The following COQ5 variants were observed in gnomAD, a reference collection of about 807,000 sequenced individuals.
COQ5 encodes coenzyme Q5, methyltransferase.
In COQ5, 27 loss-of-function variants were observed where a neutral mutation model predicts 40.5. That is an observed-to-expected ratio of 0.67 (90% CI 0.49 to 0.92). COQ5 has a LOEUF of 0.92. COQ5 is among the 40% of genes least tolerant of loss of function. The probability of loss-of-function intolerance (pLI) is 0.00; values close to 1 mark genes in which losing one functional copy is unlikely to be tolerated. For missense variants in COQ5, 409 were observed against 406.4 expected (o/e 1.01, Z -0.06); for synonymous variants, 141 against 150.0 (o/e 0.94, Z 0.44).
intron 4 of COQ5, among the ~76,000 whole-genome samples, chr12:120,505,756 A>G (rs1043755250): frequency 6.6e-5 from 10 of 151,980 alleles, no homozygotes; most frequent in Non-Finnish European, 1.5e-4. Flanking sequence ...GGGTTTCTCC[A>G]CATTGGTCAG....
chr12:120,519,284 C>T (rs1414893747), intron 2 of COQ5, among the ~76,000 whole-genome samples: 1 of 152,132 alleles, frequency 6.6e-6, no homozygotes, highest in Non-Finnish European at 1.5e-5. Context: ...TGAGGCCAGG[C>T]GGAGTGGGTC....
intron 1 of COQ5, chr12:120,523,864 G>C (rs941222138): frequency 5.7e-6 from 2 of 348,200 alleles, no homozygotes; most frequent in Non-Finnish European, 1.2e-5. Context: ...ACAAAAATTA[G>C]CTGGGCATGG....
chr12:120,513,989 T>G (rs1196926908), intron 3 of COQ5, among the ~76,000 whole-genome samples: 2 of 152,158 alleles, frequency 1.3e-5, no homozygotes, highest in Admixed American at 1.3e-4. Flanking sequence ...GCATTTGTCT[T>G]GGTGCTTAGG....
chr12:120,523,572 T>G (rs993525447), intron 1 of COQ5: 3 of 181,772 alleles, frequency 1.7e-5, no homozygotes, highest in African/African-American at 7.2e-5. Context: ...TTCTGCTGTC[T>G]TAATTATTAT....
rs748416753 is a variant in COQ5, at chr12:120,503,956, T to C, written c.882+14A>G. The C allele has an allele frequency of 5.8e-5, 93 of 1,601,472 alleles. 1 individual carries two copies. The highest frequency in any genetic ancestry group is 3.3e-4 in the South Asian group (30 of 90,878). ...ACTGTAGGGCCTTTGTTTAAAGCTA[T>C]AGAAGTTTCATACCTGAGACGGAAA... On this transcript the variant is annotated intron_variant, in intron 6 of 6. Transcript: ENST00000288532.
chr12:120,518,385 C>T (rs1048796105), intron 2 of COQ5, among the ~76,000 whole-genome samples: 8 of 147,452 alleles, frequency 5.4e-5, no homozygotes, highest in African/African-American at 1.0e-4. Flanking sequence ...GCCGAGATGA[C>T]GCCACTACAC....
chr12:120,516,572 C>T lies in COQ5; in HGVS notation c.569G>A (p.Arg190Lys). The change falls in exon 3 of 7, where the codon AGA (arginine) becomes AAA (lysine). Residue 190 changes from arginine to lysine, a missense_variant. Physicochemically the swap from Arg to Lys is conservative, Grantham distance 26. Coordinates refer to ENST00000288532, the MANE Select transcript of COQ5 (RefSeq NM_032314.4). ...CTGCCTTCTGCAGGACTCACCAGCT[C>T]TGTATCCTTGAGCCAAGGCTTTCTG... ...GKQKALAQGY[R>K]AGLAWVLGDA... 1 of 1,612,988 alleles carries T rather than the reference C, an allele frequency of 6.2e-7. No homozygotes were observed. The highest frequency in any genetic ancestry group is 8.5e-7 in the Non-Finnish European group (1 of 1,179,006).
Position 120,504,081 on chromosome 12 carries a change from C to T in COQ5, c.771G>A (p.Arg257=), listed in dbSNP as rs1403579837. Residue 257 remains arginine (R), a splice_region_variant and synonymous_variant, in exon 6 of 7, where the codon AGG becomes AGA. Transcript: ENST00000288532. The part of the protein sequence containing the change: ...FSQVNNPLIS[R]LYDLYSFQVI... ...CCTGGAAGCTATATAGATCATAAAG[C>T]CTAGGCAAACAAAAAGGTAAAAGAT... is the stretch of plus-strand genomic sequence containing the variant. 1 of 1,564,760 alleles carries T rather than the reference C, an allele frequency of 6.4e-7. No homozygotes were observed. Among genetic ancestry groups the T allele is most frequent in the South Asian group, 1.1e-5 (1 of 90,014 alleles).
intron 4 of COQ5, among the ~76,000 whole-genome samples, chr12:120,506,993 C>T (rs919218620): frequency 3.9e-5 from 6 of 152,002 alleles, no homozygotes; most frequent in Non-Finnish European, 8.8e-5. Flanking sequence ...GCCACCATGC[C>T]TGGCTAATTT....
At chr12:120,523,109 C>G (rs4767911) in intron 1 of COQ5, 1 of 319,238 alleles carries the variant, frequency 3.1e-6, no homozygotes, top group Non-Finnish European at 5.7e-6. Context: ...GAGGCTGAGG[C>G]GGGCGGATCA....
At chr12:120,505,378 T>A (rs1455076001) in intron 4 of COQ5, among the ~76,000 whole-genome samples, 2 of 151,986 alleles carry the variant, frequency 1.3e-5, no homozygotes, top group South Asian at 2.1e-4. Flanking sequence ...CTTTTTTTTT[T>A]ATTTTTTATT....
At position 120,503,642 on chromosome 12, in the gene COQ5, G is replaced by A. The variant is rs201435332; in HGVS notation, c.*142C>T. ...TGACAAGAATTTGTTCTTCCACTTTGAGACTGTTCGATTCAAACATGAGTC... is the reference window on the plus strand; with the variant it reads ...TGACAAGAATTTGTTCTTCCACTTTAAGACTGTTCGATTCAAACATGAGTC... On this transcript the variant is annotated 3_prime_UTR_variant, in exon 7 of 7. Transcript: ENST00000288532. The A allele has an allele frequency of 4.8e-4, 345 of 724,294 alleles. No homozygotes were observed. Among genetic ancestry groups the A allele is most frequent in the Middle Eastern group, 2.3e-4 (1 of 4,412 alleles). 44.9% of individuals were successfully genotyped at this position (724,294 alleles called of 1,614,324 possible).
intron 4 of COQ5, among the ~76,000 whole-genome samples, chr12:120,507,955 A>C (rs1868953836): frequency 1.3e-5 from 2 of 151,918 alleles, no homozygotes; most frequent in Non-Finnish European, 2.9e-5. Flanking sequence ...TTACAAGGAA[A>C]AATCTCCAAG....
In COQ5 at chr12:120,503,990, T is replaced by A; in HGVS notation, c.862A>T (p.Ile288Phe). The A allele has an allele frequency of 6.2e-7, 1 of 1,612,700 alleles. No individual in the cohort carries two copies. The highest frequency in any genetic ancestry group is 8.5e-7 in the Non-Finnish European group (1 of 1,178,624). The change falls in exon 6 of 7, where the codon ATC becomes TTC. Residue 288 changes from isoleucine to phenylalanine, a missense_variant. By Grantham distance (21) the Ile-to-Phe change is conservative. Transcript: ENST00000288532. The part of the protein sequence containing the change: ...WKSYQYLVES[I>F]RRFPSQEEFK... ...CATACCTGAGACGGAAACCTTCGGA[T>A]ACTCTCTACAAGGTACTGATAGGAC...
At chr12:120,513,517 A>G (rs1869238057) in intron 3 of COQ5, among the ~76,000 whole-genome samples, 1 of 150,976 alleles carries the variant, frequency 6.6e-6, no homozygotes, top group South Asian at 2.1e-4. Context: ...AAAAAAAAAA[A>G]GTAGTTAAGT....
At chr12:120,513,433 C>T (rs1381258396) in intron 3 of COQ5, among the ~76,000 whole-genome samples, 3 of 146,522 alleles carry the variant, frequency 2.0e-5, no homozygotes, top group East Asian at 4.2e-4. Context: ...ACCCGGGAGG[C>T]GGAGCTTGCA....
At chr12:120,526,425 C>T (rs549338814) in intron 1 of COQ5, 65 of 454,782 alleles carry the variant, frequency 1.4e-4, no homozygotes, top group African/African-American at 1.2e-3. Context: ...TCTAGACATA[C>T]AGCCAGAGGA....
chr12:120,506,181 T>C (rs1361342781), intron 4 of COQ5, among the ~76,000 whole-genome samples: 1 of 152,038 alleles, frequency 6.6e-6, no homozygotes, highest in African/African-American at 2.4e-5. Flanking sequence ...ATAAAAAGTA[T>C]AGGAAGCCAT....
At chr12:120,506,744 T>C (rs1461043911) in intron 4 of COQ5, among the ~76,000 whole-genome samples, 16 of 152,210 alleles carry the variant, frequency 1.1e-4, no homozygotes, top group Non-Finnish European at 1.0e-4. Context: ...ATACACTCTT[T>C]GTTCTTTGCT....
Sources: gnomAD v4.1 joint callset for allele counts (sites outside exome capture counted in the v4.1 genomes callset) on GRCh38, gnomAD v4.1.1 for gene constraint, MANE v1.5 for transcripts, NCBI Gene and HGNC (gene_info 2026-07-23, HGNC 2026-07-21) for gene names.